Variants in OOSP1 observed in about 807,000 individuals in gnomAD.
The protein encoded by OOSP1 is putative oocyte-secreted protein 1 homolog.
Under a neutral mutation model 5.7 loss-of-function variants are expected in OOSP1, and 11 were observed. The ratio of observed to expected loss-of-function variants is 1.94; its 90% CI spans 1.22 to 3.20. The LOEUF is 3.20. Ranked by LOEUF, OOSP1 falls within the 30% of genes most tolerant of loss-of-function variation. The pLI, the probability that OOSP1 is intolerant of heterozygous loss-of-function variation, is 0.00. For synonymous variants in OOSP1, 44 were observed against 20.0 expected (o/e 2.20, Z -3.20); for missense variants, 83 against 54.1 (o/e 1.53, Z -1.67).
chr11:59,942,344 T>C (rs11827253), intron 1 of OOSP1, among the ~76,000 whole-genome samples: 2,926 of 152,288 alleles, frequency 0.019, 100 homozygotes, highest in African/African-American at 0.065. Context: ...GCACTGTTTT[T>C]ACTCAATTTC....
intron 4 of OOSP1, among the ~76,000 whole-genome samples, 183 bp from the exon 5 acceptor site, chr11:59,957,012 C>T (rs1018628644): frequency 6.6e-6 from 1 of 152,128 alleles, no homozygotes; most frequent in African/African-American, 2.4e-5. Context: ...CGGCTATAAA[C>T]ATGAGTGTGC....
intron 2 of OOSP1, 89 bp from the exon 3 acceptor site, chr11:59,945,080 A>C: frequency 1.5e-6 from 1 of 671,374 alleles, no homozygotes; most frequent in African/African-American, 1.8e-5. Flanking sequence ...AGAAAGCTTG[A>C]TGTATCTATA....
intron 4 of OOSP1, among the ~76,000 whole-genome samples, chr11:59,951,710 ATTTT>A (rs779942825): frequency 1.9e-5 from 2 of 103,462 alleles, no homozygotes; most frequent in African/African-American, 7.1e-5. Flanking sequence ...AATGAACTGC[ATTTT>A]TTTTTTTTTT....
intron 3 of OOSP1, among the ~76,000 whole-genome samples, chr11:59,946,101 G>T (rs1269787048): frequency 6.6e-6 from 1 of 152,120 alleles, no homozygotes; most frequent in African/African-American, 2.4e-5. Context: ...TCAGGAACCT[G>T]GCAGCACAGA....
At chr11:59,939,031 C>T (rs780455149) in intron 1 of OOSP1, among the ~76,000 whole-genome samples, 2 of 152,154 alleles carry the variant, frequency 1.3e-5, no homozygotes, top group Non-Finnish European at 2.9e-5. Flanking sequence ...AGTACTTTTC[C>T]TGCGTCGGCC....
Position 59,945,160 on chromosome 11 carries a change from G to C in OOSP1, c.259-9G>C. ...AAACATGGGTTTAAAACCTCTCTTT[G>C]TCTTGTAGCCTCTCCAGGAAGTTCT... On this transcript the variant is annotated splice_polypyrimidine_tract_variant and intron_variant, in intron 2 of 4. Coordinates refer to ENST00000646685, the Ensembl canonical transcript of OOSP1. 2 of 702,760 alleles carry C rather than the reference G, an allele frequency of 2.8e-6. No individual in the cohort carries two copies. Among genetic ancestry groups the C allele is most frequent in the Non-Finnish European group, 2.6e-6 (1 of 384,884 alleles). The allele number at this position is 702,760 out of a possible 1,614,324, so 43.5% of individuals were successfully genotyped here. A position where few individuals can be genotyped will look rare whatever the true frequency, so the allele number is the denominator to read the frequency against.
At chr11:59,954,002 A>G (rs1479058838) in intron 4 of OOSP1, among the ~76,000 whole-genome samples, 6 of 152,232 alleles carry the variant, frequency 3.9e-5, no homozygotes, top group Admixed American at 3.9e-4. Flanking sequence ...CCTAGATGGC[A>G]TAGCCCATTT....
chr11:59,954,030 G>GC (rs1379318361), intron 4 of OOSP1, among the ~76,000 whole-genome samples: 3 of 152,176 alleles, frequency 2.0e-5, no homozygotes, highest in African/African-American at 7.2e-5. Flanking sequence ...AGGCTATATG[G>GC]AATAGCCTGT....
In OOSP1 at chr11:59,947,871, C is replaced by G. The variant is rs1022858575; in HGVS notation, c.486+9C>G. 4 of 398,548 alleles carry G rather than the reference C, an allele frequency of 1.0e-5. No individual in the cohort carries two copies. In the South Asian group the frequency reaches 3.8e-4, roughly 38 times the overall value. The allele number at this position is 398,548 out of a possible 1,614,324, so 24.7% of individuals were successfully genotyped here. A position where few individuals can be genotyped will look rare whatever the true frequency, so the allele number is the denominator to read the frequency against. ...TCTGCAACACAATCTTGGTAAGAAC[C>G]CTTCAAAACTGGCATCTTATGATTT... On this transcript the variant is annotated intron_variant, in intron 4 of 4. Transcript: ENST00000646685.
intron 4 of OOSP1, among the ~76,000 whole-genome samples, chr11:59,951,994 A>G (rs1230538243): frequency 1.3e-5 from 2 of 151,900 alleles, no homozygotes; most frequent in East Asian, 3.9e-4. Flanking sequence ...TATTTTTAAC[A>G]TTTCACTGAT....
At chr11:59,940,079 G>A (rs1853809997) in intron 1 of OOSP1, among the ~76,000 whole-genome samples, 1 of 152,328 alleles carries the variant, frequency 6.6e-6, no homozygotes, top group African/African-American at 2.4e-5. Flanking sequence ...CGGAATTGCA[G>A]TGAAAGGTTG....
At chr11:59,956,750 T>G (rs1853997364) in intron 4 of OOSP1, among the ~76,000 whole-genome samples, 1 of 152,156 alleles carries the variant, frequency 6.6e-6, no homozygotes, top group Admixed American at 6.5e-5. Context: ...GTATCTTTCT[T>G]ATGCCTTTGC....
chr11:59,947,814 A>G (rs887399751), exon 4 of OOSP1: 2 of 398,828 alleles, frequency 5.0e-6, no homozygotes, highest in African/African-American at 2.1e-5. Context: ...AGGTGAGGAT[A>G]CACATTGCGA....
At chr11:59,954,339 G>A (rs530553194) in intron 4 of OOSP1, among the ~76,000 whole-genome samples, 7 of 151,844 alleles carry the variant, frequency 4.6e-5, no homozygotes, top group Admixed American at 1.3e-4. Flanking sequence ...TGTGCAGTAC[G>A]TAAACAAATA....
chr11:59,955,688 G>A (rs187358451), intron 4 of OOSP1, among the ~76,000 whole-genome samples: 1 of 151,882 alleles, frequency 6.6e-6, no homozygotes, highest in African/African-American at 2.4e-5. Context: ...GCATGCCTAT[G>A]GCTCACTGCA....
At chr11:59,946,953 AT>A (rs1442089555) in intron 3 of OOSP1, among the ~76,000 whole-genome samples, 3 of 149,272 alleles carry the variant, frequency 2.0e-5, no homozygotes, top group East Asian at 2.0e-4. Flanking sequence ...CTATCTATCT[AT>A]CTATCTATCT....
intron 4 of OOSP1, among the ~76,000 whole-genome samples, chr11:59,951,710 ATTT>A (rs779942825): frequency 0.02 from 2,079 of 103,424 alleles, 59 homozygotes; most frequent in African/African-American, 0.067. Flanking sequence ...AATGAACTGC[ATTT>A]TTTTTTTTTT....
At chr11:59,947,222 C>G (rs1343670357) in intron 3 of OOSP1, among the ~76,000 whole-genome samples, 1 of 151,988 alleles carries the variant, frequency 6.6e-6, no homozygotes, top group African/African-American at 2.4e-5. Flanking sequence ...TTACCATATG[C>G]CTACACTGTG....
chr11:59,957,170 C>G, intron 4 of OOSP1, 25 bp from the exon 5 acceptor site: 1 of 397,470 alleles, frequency 2.5e-6, no homozygotes. Context: ...GATGAATCTA[C>G]TTAAAATTTA....
Sources: allele counts gnomAD v4.1 joint callset (sites outside exome capture counted in the v4.1 genomes callset), GRCh38; gene constraint gnomAD v4.1.1; transcripts MANE v1.5; gene names NCBI Gene and HGNC (gene_info 2026-07-23, HGNC 2026-07-21).